FAM20C: variants seen among roughly 807,000 people sequenced by gnomAD.
The protein encoded by FAM20C is extracellular serine/threonine protein kinase FAM20C.
FAM20C carries 40 observed loss-of-function variants against 51.5 expected under a neutral mutation model. The ratio of observed to expected loss-of-function variants is 0.78; its 90% confidence interval spans 0.60 to 1.01. The LOEUF is 1.01. FAM20C is among the 50% of genes least tolerant of loss of function. FAM20C has a pLI of 0.00. For missense variants in FAM20C, 861 were observed against 844.7 expected, an observed-to-expected ratio of 1.02 and a Z score of -0.24; for synonymous variants, 406 against 380.6, an observed-to-expected ratio of 1.07 and a Z score of -0.78.
chr7:236,701 G>T (rs1022003074), intron 3 of FAM20C, among the ~76,000 whole-genome samples: 16,090 of 126,344 alleles, frequency 0.13, 1,864 homozygotes, highest in African/African-American at 0.33. Context: ...GATGGTCGGG[G>T]TTTCATGCGG....
At position 224,489 on chromosome 7, in the gene FAM20C, CG is replaced by C. The variant is rs776661940; in HGVS notation, c.863+15518del. Among the ~76,000 whole-genome samples the C allele has an allele frequency of 1.0e-3, 5 of 4,838 alleles. 1 individual carries two copies. The highest frequency in any genetic ancestry group is 0.027 in the East Asian group (2 of 74). The allele number at this position is 4,838 out of a possible 152,430, so 3.2% of individuals were successfully genotyped here. On this transcript the variant is annotated intron_variant, in intron 3 of 9. Transcript: ENST00000313766. Reference sequence around the variant, plus strand: ...CTCATTGCGCAGAATGGCACCGTCACGGGGGTCGCATGGCGGCTGTCCCCTG... The same window carrying C: ...CTCATTGCGCAGAATGGCACCGTCACGGGGTCGCATGGCGGCTGTCCCCTG...
At chr7:199,488 G>C (rs577107002) in intron 2 of FAM20C, among the ~76,000 whole-genome samples, 5 of 152,348 alleles carry the variant, frequency 3.3e-5, no homozygotes, top group Non-Finnish European at 7.3e-5. Context: ...CGGCCCCTGG[G>C]TGCTCACTTT....
intron 2 of FAM20C, among the ~76,000 whole-genome samples, chr7:198,224 C>T (rs953483069): frequency 3.3e-4 from 50 of 152,172 alleles, no homozygotes; most frequent in Non-Finnish European, 1.0e-4. Flanking sequence ...CAGACACAGC[C>T]GCATCACCCA....
At position 256,535 on chromosome 7, in the gene FAM20C, C is replaced by T. The variant is rs138604695; in HGVS notation, c.1254-119C>T. 4.4e-3 allele frequency: 3,394 copies of T among 780,200 alleles called. 76 individuals are homozygous for T. The African/African-American group carries it at 0.05, about 11-fold the overall frequency. The allele number at this position is 780,200 out of a possible 1,614,324, so 48.3% of individuals were successfully genotyped here. The stretch of plus-strand genomic sequence containing the variant: ...TGCAGCCTCAGCGCCGCAGCCCGGG[C>T]GGGTCCATCTGCAGACGCCAAGGTC... On this transcript the variant is annotated intron_variant, in intron 6 of 9. Coordinates refer to ENST00000313766, the MANE Select transcript of FAM20C (RefSeq NM_020223.4).
intron 3 of FAM20C, among the ~76,000 whole-genome samples, chr7:209,605 G>A (rs751983528): frequency 2.0e-5 from 3 of 152,224 alleles, no homozygotes; most frequent in Non-Finnish European, 2.9e-5. Flanking sequence ...GCGACAGCTC[G>A]TGGTGAGGGG....
chr7:199,246 G>A (rs980745672), intron 2 of FAM20C, among the ~76,000 whole-genome samples: 2 of 152,256 alleles, frequency 1.3e-5, no homozygotes, highest in African/African-American at 4.8e-5. Flanking sequence ...CCAGCTGCTT[G>A]AGATAGCAGC....
chr7:253,817 A>G (rs1788493066), intron 5 of FAM20C, among the ~76,000 whole-genome samples: 1 of 152,202 alleles, frequency 6.6e-6, no homozygotes, highest in African/African-American at 2.4e-5. Context: ...TTTTAACACG[A>G]TACCATCTGA....
rs1047709545 is a variant in FAM20C at position 246,425 on chromosome 7, G to A, written c.874G>A (p.Glu292Lys). Residue 292 changes from glutamate (E) to lysine (K), a missense_variant, in exon 4 of 10, where the codon GAG (glutamate) becomes AAG (lysine). Glu to Lys is a moderately conservative substitution (Grantham distance 56). Transcript: ENST00000313766. ...GTCTTGTTTTCTCAGACAAACGAGG[G>A]AGCAGGAGACACCCCCTGACTTTTT... is the stretch of plus-strand genomic sequence containing the variant. ...ALFKPMKQTR[E>K]QETPPDFFYF... is the part of the protein sequence containing the mutation. 6.6e-5 allele frequency: 93 copies of A among 1,417,916 alleles called. No homozygotes were observed. Among genetic ancestry groups the A allele is most frequent in the Non-Finnish European group, 8.2e-5 (89 of 1,085,290 alleles). 87.8% of individuals were successfully genotyped at this position (1,417,916 alleles called of 1,614,324 possible).
intron 3 of FAM20C, among the ~76,000 whole-genome samples, chr7:244,462 C>T (rs571474292): frequency 2.6e-5 from 4 of 152,286 alleles, no homozygotes; most frequent in Admixed American, 1.3e-4. Context: ...AAATGAAATC[C>T]ATTTGCCAGC....
intron 2 of FAM20C, chr7:197,192 G>C (rs978579684): frequency 6.0e-6 from 1 of 167,070 alleles, no homozygotes; most frequent in Non-Finnish European, 1.5e-5. Flanking sequence ...AGTTGAGGAT[G>C]AGTTCAGCCT....
chr7:208,835 G>A (rs1015046944), intron 2 of FAM20C, 63 bp from the exon 3 acceptor site: 33 of 1,508,146 alleles, frequency 2.2e-5, no homozygotes, highest in Middle Eastern at 1.7e-4. Flanking sequence ...GCCCTCGTCC[G>A]CACAGGAGAA....
intron 3 of FAM20C, among the ~76,000 whole-genome samples, chr7:229,933 C>T (rs1787593255): frequency 6.6e-6 from 1 of 151,920 alleles, no homozygotes; most frequent in Non-Finnish European, 1.5e-5. Flanking sequence ...TTTTGGGCCT[C>T]CCTGAGTTTG....
chr7:232,428 T>C (rs976341258), intron 3 of FAM20C, among the ~76,000 whole-genome samples: 12 of 152,302 alleles, frequency 7.9e-5, no homozygotes, highest in African/African-American at 2.9e-4. Flanking sequence ...CGCGTGGCCC[T>C]GGGTCACTGC....
intron 3 of FAM20C, among the ~76,000 whole-genome samples, chr7:230,367 C>CGGGGGG (rs1300481360): frequency 4.7e-4 from 4 of 8,580 alleles, no homozygotes; most frequent in Non-Finnish European, 8.2e-4. Flanking sequence ...GTCCCCAGGA[C>CGGGGGG]GGGGTGGGGG....
intron 3 of FAM20C, among the ~76,000 whole-genome samples, chr7:235,832 G>A (rs1787832024): frequency 6.6e-6 from 1 of 152,308 alleles, no homozygotes; most frequent in East Asian, 1.9e-4. Flanking sequence ...GTGACTTCTG[G>A]GCCTGGGCCC....
chr7:232,324 G>A (rs561651304), intron 3 of FAM20C, among the ~76,000 whole-genome samples: 128 of 152,306 alleles, frequency 8.4e-4, no homozygotes, highest in African/African-American at 2.9e-3. Context: ...GAGAGAACGC[G>A]GCCCAGCCCC....
rs559325385 is a variant in FAM20C, at chr7:206,452, C to T, written c.785-2446C>T. Among the ~76,000 whole-genome samples, 37 of 151,668 alleles carry T rather than the reference C, an allele frequency of 2.4e-4. No homozygotes were observed. The South Asian group carries it at 4.4e-3, about 18-fold the overall frequency. On this transcript the variant is annotated intron_variant, in intron 2 of 9. Transcript: ENST00000313766. The stretch of plus-strand genomic sequence containing the variant: ...CCCCCATCCCACCTTTGCACCCTCC[C>T]GTGCACTGTGATGCGTTGGCCCTGG...
Position 220,780 on chromosome 7 carries a change from G to C in FAM20C, c.863+11804G>C, listed in dbSNP as rs28533034. 4.4e-3 allele frequency among the ~76,000 whole-genome samples: 673 copies of C among 152,312 alleles called. 5 individuals carry two copies. Among genetic ancestry groups the C allele is most frequent in the African/African-American group, 0.016 (646 of 41,560 alleles). The stretch of plus-strand genomic sequence containing the variant: ...GTGGTGGGCAGGTCATCTGGTGCTC[G>C]AGCATAGGAGGCCTGGGGCGGTCAG... On this transcript the variant is annotated intron_variant, in intron 3 of 9. Transcript: ENST00000313766.
chr7:258,089 C>A, intron 8 of FAM20C, among the ~76,000 whole-genome samples: 1 of 130,936 alleles, frequency 7.6e-6, no homozygotes, highest in African/African-American at 2.9e-5. Flanking sequence ...GGAGATGGGG[C>A]TGGGTGGACC....
Sources: gnomAD v4.1 joint callset for allele counts (sites outside exome capture counted in the v4.1 genomes callset) on GRCh38, gnomAD v4.1.1 for gene constraint, MANE v1.5 for transcripts, NCBI Gene and HGNC (gene_info 2026-07-23, HGNC 2026-07-21) for gene names.